DENND5B: variants seen among roughly 807,000 people sequenced by gnomAD.
The protein encoded by DENND5B is DENN domain containing 5B.
DENND5B carries 34 observed loss-of-function variants against 140.6 expected under a neutral mutation model. That is an observed-to-expected ratio of 0.24 (90% CI 0.18 to 0.32). The LOEUF (loss-of-function observed/expected upper bound fraction) is 0.32. DENND5B is among the 10% of genes least tolerant of loss of function. DENND5B has a pLI of 1.00. For missense variants in DENND5B, 1,142 were observed against 1,560.2 expected, an observed-to-expected ratio of 0.73 and a Z score of 4.52; for synonymous variants, 551 against 562.1, an observed-to-expected ratio of 0.98 and a Z score of 0.28.
At chr12:31,561,080 AG>A (rs1949458550) in intron 1 of DENND5B, among the ~76,000 whole-genome samples, 1 of 152,174 alleles carries the variant, frequency 6.6e-6, no homozygotes, top group Non-Finnish European at 1.5e-5. Flanking sequence ...AGTTATGTTC[AG>A]GGATTTAAAA....
At chr12:31,500,887 G>A (rs1288911278) in intron 1 of DENND5B, among the ~76,000 whole-genome samples, 2 of 152,038 alleles carry the variant, frequency 1.3e-5, no homozygotes, top group African/African-American at 4.8e-5. Flanking sequence ...TCTTATCACA[G>A]AACCCCATAA....
intron 2 of DENND5B, among the ~76,000 whole-genome samples, chr12:31,493,432 G>A (rs1366561751): frequency 2.0e-5 from 3 of 152,126 alleles, no homozygotes; most frequent in South Asian, 2.1e-4. Context: ...AGTGGCTAAC[G>A]CCTGTAATCC....
intron 4 of DENND5B, among the ~76,000 whole-genome samples, chr12:31,457,949 C>A (rs140595388): frequency 1.3e-5 from 2 of 151,732 alleles, no homozygotes; most frequent in South Asian, 4.2e-4. Flanking sequence ...CTCCTCACCT[C>A]GTGATCCGCC....
At chr12:31,540,167 G>A (rs1251861882) in intron 1 of DENND5B, among the ~76,000 whole-genome samples, 1 of 152,028 alleles carries the variant, frequency 6.6e-6, no homozygotes, top group Admixed American at 6.6e-5. Flanking sequence ...AACCAAATAA[G>A]TGAAAAGTCC....
intron 1 of DENND5B, among the ~76,000 whole-genome samples, chr12:31,539,667 A>C (rs114281573): frequency 6.6e-6 from 1 of 152,190 alleles, no homozygotes; most frequent in East Asian, 1.9e-4. Context: ...AAAGCACTTG[A>C]TAACATTCAA....
intron 1 of DENND5B, among the ~76,000 whole-genome samples, chr12:31,524,415 G>GGTGGAGGTTGCAGTGA (rs1948013869): frequency 6.6e-6 from 1 of 152,168 alleles, no homozygotes; most frequent in African/African-American, 2.4e-5. Context: ...CACTTTGGGA[G>GGTGGAGGTTGCAGTGA]GCTGAGGTGG....
At chr12:31,434,297 T>G (rs1943644458) in intron 7 of DENND5B, among the ~76,000 whole-genome samples, 1 of 152,222 alleles carries the variant, frequency 6.6e-6, no homozygotes. Flanking sequence ...ATTACTATGT[T>G]CCAGTATAGT....
Position 31,460,282 on chromosome 12 carries a change from A to G in DENND5B, c.1004T>C (p.Leu335Pro), listed in dbSNP as rs1368798454. The change falls in exon 4 of 21, where the codon CTA (leucine) becomes CCA (proline). Residue 335 changes from leucine to proline, a missense_variant. Around this residue, in one of 5 missense-constraint regions of DENND5B, gnomAD observed 708 missense variants for 905.5 expected, o/e 0.78. Transcript: ENST00000389082. ...AGGGACAGGAGCATCAAGAAAATGT[A>G]GCAGAGAAGCAGGTAGAATGGGCAC... Reference protein sequence around the residue: ...VYVPILPASLLHFLDAPVPYL... With the variant: ...VYVPILPASLPHFLDAPVPYL... 1 of 1,613,996 alleles carries G rather than the reference A, an allele frequency of 6.2e-7. No homozygotes were observed. The highest frequency in any genetic ancestry group is 8.5e-7 in the Non-Finnish European group (1 of 1,179,884).
At chr12:31,579,538 G>A (rs1020532068) in intron 1 of DENND5B, among the ~76,000 whole-genome samples, 19 of 152,234 alleles carry the variant, frequency 1.2e-4, no homozygotes, top group African/African-American at 4.3e-4. Flanking sequence ...GCGAGTGCCT[G>A]TAGTCCCAGC....
In DENND5B at chr12:31,449,897, A is replaced by C. The variant is rs536197568; in HGVS notation, c.1629+2043T>G. On this transcript the variant is annotated intron_variant, in intron 5 of 20. Transcript: ENST00000389082. ...AGGTGCCTGCCACCACGCCCGGCTA[A>C]TTTTTTTGTATTTTTAGTAGAGACG... 1.1e-3 allele frequency among the ~76,000 whole-genome samples: 172 copies of C among 151,798 alleles called. 1 individual carries two copies. The highest frequency in any genetic ancestry group is 4.1e-3 in the African/African-American group (170 of 41,396).
chr12:31,457,718 CTTT>C (rs772159819), intron 4 of DENND5B, among the ~76,000 whole-genome samples: 1 of 144,194 alleles, frequency 6.9e-6, no homozygotes, highest in Admixed American at 7.0e-5. Context: ...ATTTTCTTTT[CTTT>C]TTTTTTTTTT....
intron 4 of DENND5B, among the ~76,000 whole-genome samples, chr12:31,455,819 A>C (rs1944748509): frequency 6.6e-6 from 1 of 150,538 alleles, no homozygotes; most frequent in South Asian, 2.1e-4. Context: ...CAGGAGTTTG[A>C]GATCAGCCTG....
intron 3 of DENND5B, chr12:31,465,092 G>A (rs188921619): frequency 4.1e-4 from 62 of 152,420 alleles, no homozygotes; most frequent in African/African-American, 1.4e-3. Flanking sequence ...GGTGGCAATG[G>A]CCTCTGCTGC....
Position 31,479,857 on chromosome 12 carries a change from G to A in DENND5B, c.636C>T (p.Tyr212=). The change falls in exon 3 of 21, where the codon TAC becomes TAT. Residue 212 remains tyrosine (Y), a synonymous_variant. Coordinates refer to ENST00000389082, the MANE Select transcript of DENND5B (RefSeq NM_144973.4). ...QACKKFLIQL[Y]KAVTSQQPPP... is the part of the protein sequence containing the mutation. ...GTGGCTGCTGTGAGGTAACAGCCTT[G>A]TAAAGCTGGATAAGGAATTTCTTGC... 6.2e-7 allele frequency: 1 copy of A among 1,613,962 alleles called. No individual in the cohort carries two copies. The highest frequency in any genetic ancestry group is 8.5e-7 in the Non-Finnish European group (1 of 1,179,856).
chr12:31,499,647 T>C, intron 1 of DENND5B: 1 of 1,505,416 alleles, frequency 6.6e-7, no homozygotes, highest in South Asian at 1.3e-5. Context: ...GCCATGACGA[T>C]CTGCTTCTAG....
At chr12:31,480,498 C>T (rs1338577681) in intron 2 of DENND5B, among the ~76,000 whole-genome samples, 1 of 152,088 alleles carries the variant, frequency 6.6e-6, no homozygotes, top group Non-Finnish European at 1.5e-5. Context: ...ATGCAAGGGG[C>T]TTTACTAAGA....
chr12:31,409,156 T>C (rs953028807), intron 14 of DENND5B, 107 bp downstream of exon 14: 3 of 1,179,692 alleles, frequency 2.5e-6, no homozygotes, highest in Admixed American at 3.2e-5. Context: ...CCTGGGCGTA[T>C]GTCACAATGT....
chr12:31,538,384 T>G (rs1204555376), intron 1 of DENND5B, among the ~76,000 whole-genome samples: 1 of 151,880 alleles, frequency 6.6e-6, no homozygotes, highest in East Asian at 1.9e-4. Flanking sequence ...TTTCTTGAAA[T>G]AAATGATAAA....
intron 11 of DENND5B, among the ~76,000 whole-genome samples, chr12:31,419,475 T>A (rs1942919345): frequency 6.6e-6 from 1 of 151,762 alleles, no homozygotes; most frequent in South Asian, 2.1e-4. Flanking sequence ...GAACACAAGT[T>A]AAACATTTTA....
Sources: gnomAD v4.1 joint callset for allele counts (sites outside exome capture counted in the v4.1 genomes callset) on GRCh38, gnomAD v4.1.1 for gene constraint, gnomAD v4.1.1 regional missense constraint, MANE v1.5 for transcripts, NCBI Gene and HGNC (gene_info 2026-07-23, HGNC 2026-07-21) for gene names.